ARIH2: variants seen among roughly 807,000 people sequenced by gnomAD.
ARIH2 encodes the protein ariadne RBR E3 ubiquitin protein ligase 2.
A neutral mutation model predicts 79.8 loss-of-function variants in ARIH2; 12 were observed. The observed-to-expected ratio is 0.15, with a 90% CI of 0.10 to 0.24. ARIH2 has a LOEUF of 0.24. ARIH2 is among the 10% of genes least tolerant of loss of function. ARIH2 has a pLI of 1.00. For synonymous variants in ARIH2, 224 were observed against 213.9 expected (o/e 1.05, Z -0.41); for missense variants, 301 against 618.3 (o/e 0.49, Z 5.44).
chr3:48,973,724 G>A lies in ARIH2; in HGVS notation c.796G>A (p.Ala266Thr). The stretch of plus-strand genomic sequence containing the variant: ...TTTCAAGTGTCGTCAGATGTATCAC[G>A]CACCCACAGACTGTGCCACAATCCG... Reference protein sequence around the residue: ...FCFKCRQMYHAPTDCATIRKW... With the variant: ...FCFKCRQMYHTPTDCATIRKW... The change falls in exon 9 of 16, where the codon GCA (alanine) becomes ACA (threonine). Residue 266 changes from alanine (A) to threonine (T), a missense_variant. Ala to Thr is a moderately conservative substitution (Grantham distance 58, BLOSUM62 0). Around this residue, in one of 2 missense-constraint regions of ARIH2, gnomAD observed 223 missense variants for 349.4 expected, o/e 0.64. Transcript: ENST00000356401. 5.0e-6 allele frequency: 8 copies of A among 1,613,732 alleles called. No homozygotes were observed. Among genetic ancestry groups the A allele is most frequent in the Non-Finnish European group, 6.8e-6 (8 of 1,179,752 alleles).
intron 3 of ARIH2, among the ~76,000 whole-genome samples, chr3:48,930,046 G>GT (rs970824769): frequency 3.9e-4 from 59 of 152,250 alleles, no homozygotes; most frequent in African/African-American, 1.4e-3. Flanking sequence ...GATGTTGAGA[G>GT]TTTATTTTTT....
intron 3 of ARIH2, among the ~76,000 whole-genome samples, chr3:48,956,937 T>G (rs2090662641): frequency 6.6e-6 from 1 of 151,784 alleles, no homozygotes; most frequent in African/African-American, 2.4e-5. Flanking sequence ...GGTCTCAAAC[T>G]CCTGACGTCA....
intron 3 of ARIH2, chr3:48,945,190 G>A (rs2088940094): frequency 1.6e-6 from 2 of 1,289,610 alleles, no homozygotes; most frequent in Non-Finnish European, 2.0e-6. Context: ...TGGTAAGTGT[G>A]GGAAGGGCTG....
chr3:48,966,209 C>T (rs1158582363), intron 5 of ARIH2, among the ~76,000 whole-genome samples: 3 of 152,130 alleles, frequency 2.0e-5, no homozygotes, highest in Non-Finnish European at 4.4e-5. Flanking sequence ...TCTTGGAAGG[C>T]AGAATTGGGG....
chr3:48,980,294 G>A (rs2092702666), intron 12 of ARIH2, 59 bp from the exon 13 acceptor site: 1 of 1,579,358 alleles, frequency 6.3e-7, no homozygotes, highest in Non-Finnish European at 8.6e-7. Context: ...GAACTCCTGT[G>A]TAGACCTCTG....
rs891634057 is a variant in ARIH2, at chr3:48,945,760, A to C, written c.256-15852A>C. Among the ~76,000 whole-genome samples the C allele has an allele frequency of 9.9e-5, 15 of 152,204 alleles. 1 individual carries two copies. Among genetic ancestry groups the C allele is most frequent in the African/African-American group, 3.4e-4 (14 of 41,446 alleles). The stretch of plus-strand genomic sequence containing the variant: ...AATAAGTTTGTGGCTGTTATTAACA[A>C]ACTTCAGGTGGACTTGCAATTTGTG... On this transcript the variant is annotated intron_variant, in intron 3 of 15. Coordinates refer to ENST00000356401, the MANE Select transcript of ARIH2 (RefSeq NM_006321.4).
intron 13 of ARIH2, among the ~76,000 whole-genome samples, chr3:48,981,082 C>T (rs563023885): frequency 6.9e-6 from 1 of 145,642 alleles, no homozygotes; most frequent in Non-Finnish European, 1.5e-5. Flanking sequence ...ATGATCCCAG[C>T]ACTTCGGAAG....
At chr3:48,983,105 C>T (rs1310582697) in intron 15 of ARIH2, 94 bp from the exon 16 acceptor site, 8 of 1,532,100 alleles carry the variant, frequency 5.2e-6, no homozygotes, top group Non-Finnish European at 7.2e-6. Context: ...GTGTTTTTGA[C>T]TCCTTGGAGG....
rs754818427 is a variant in ARIH2, at chr3:48,918,933, C to G, written c.-227C>G. 1 of 1,585,578 alleles carries G rather than the reference C, an allele frequency of 6.3e-7. No homozygotes were observed. The highest frequency in any genetic ancestry group is 1.1e-5 in the South Asian group (1 of 88,138). ...CGCTGCCGCTTCGCCCCAATCCGGT[C>G]CCTCTGGCCCGGCCTGACCCGGTCT... On this transcript the variant is annotated 5_prime_UTR_variant, in exon 1 of 16. Coordinates refer to ENST00000356401, the MANE Select transcript of ARIH2 (RefSeq NM_006321.4).
Position 48,967,105 on chromosome 3 carries a change from G to A in ARIH2, c.388-20G>A. 6.2e-7 allele frequency: 1 copy of A among 1,611,706 alleles called. No homozygotes were observed. The highest frequency in any genetic ancestry group is 8.5e-7 in the Non-Finnish European group (1 of 1,178,358). Reference sequence around the variant, plus strand: ...TGGACCTGACTCCTCTTTGGCTCATGTGGCTCTGTTTCTCTCCAGGTTCCC... The same window carrying A: ...TGGACCTGACTCCTCTTTGGCTCATATGGCTCTGTTTCTCTCCAGGTTCCC... On this transcript the variant is annotated intron_variant, in intron 5 of 15. Transcript: ENST00000356401.
At chr3:48,927,396 T>C (rs2085769336) in intron 2 of ARIH2, 66 bp from the exon 3 acceptor site, 1 of 828,734 alleles carries the variant, frequency 1.2e-6, no homozygotes, top group East Asian at 2.7e-5. Flanking sequence ...TTTTGATTCT[T>C]GAATGGTTTC....
At chr3:48,935,842 G>A (rs1300830714) in intron 3 of ARIH2, among the ~76,000 whole-genome samples, 2 of 152,238 alleles carry the variant, frequency 1.3e-5, no homozygotes, top group South Asian at 2.1e-4. Flanking sequence ...GAATCATAGG[G>A]TAGGAGCCTA....
At chr3:48,981,910 T>G (rs2092764842) in intron 14 of ARIH2, among the ~76,000 whole-genome samples, 182 bp downstream of exon 14, 1 of 152,162 alleles carries the variant, frequency 6.6e-6, no homozygotes, top group South Asian at 2.1e-4. Context: ...CAGGTGCTAT[T>G]ATTTTGTGTC....
intron 9 of ARIH2, 101 bp downstream of exon 9, chr3:48,973,917 C>T: frequency 1.1e-6 from 1 of 877,350 alleles, no homozygotes. Flanking sequence ...CCCAGAGCCC[C>T]AGGACCCTTC....
chr3:48,970,855 CAGCA>C (rs2092183259), intron 8 of ARIH2, 151 bp downstream of exon 8: 2 of 584,206 alleles, frequency 3.4e-6, no homozygotes, highest in East Asian at 5.9e-5. Flanking sequence ...GGTTTATGTC[CAGCA>C]TCTCATATTC....
chr3:48,921,700 A>G (rs2084848276), intron 1 of ARIH2: 1 of 151,820 alleles, frequency 6.6e-6, no homozygotes, highest in Non-Finnish European at 1.5e-5. Flanking sequence ...TCCCAAACCA[A>G]AGTGCTGGGA....
Position 48,966,693 on chromosome 3 carries a change from CT to C in ARIH2, c.388-429del, listed in dbSNP as rs543616659. On this transcript the variant is annotated intron_variant, in intron 5 of 15. Coordinates refer to ENST00000356401, the MANE Select transcript of ARIH2 (RefSeq NM_006321.4). ...ATTTATAAACTCATCCTCTAATAAC[CT>C]TTGTGACTAGGTTTCTAGTAGTTGT... Among the ~76,000 whole-genome samples, 64 of 152,262 alleles carry C rather than the reference CT, an allele frequency of 4.2e-4. No individual in the cohort carries two copies. In the South Asian group the frequency reaches 9.3e-3, roughly 22 times the overall value.
At chr3:48,943,900 A>G (rs1262633320) in intron 3 of ARIH2, among the ~76,000 whole-genome samples, 1 of 152,158 alleles carries the variant, frequency 6.6e-6, no homozygotes, top group Non-Finnish European at 1.5e-5. Flanking sequence ...GAGACATAGC[A>G]TTGTTTCAAA....
intron 5 of ARIH2, among the ~76,000 whole-genome samples, chr3:48,966,051 C>A (rs948053566): frequency 1.8e-4 from 27 of 152,182 alleles, no homozygotes; most frequent in African/African-American, 6.3e-4. Flanking sequence ...TAAACTTTTA[C>A]ATGTGTGTTA....
Sources: gnomAD v4.1 joint callset for allele counts (sites outside exome capture counted in the v4.1 genomes callset) on GRCh38, gnomAD v4.1.1 for gene constraint, gnomAD v4.1.1 regional missense constraint, MANE v1.5 for transcripts, NCBI Gene and HGNC (gene_info 2026-07-23, HGNC 2026-07-21) for gene names.